The following ZNF124 variants were observed in gnomAD, a reference collection of about 807,000 sequenced individuals.
ZNF124 encodes the protein zinc finger protein HZF-16.
In ZNF124, 25 loss-of-function variants were observed where a neutral mutation model predicts 26.6. The observed-to-expected ratio is 0.94, with a 90% CI of 0.68 to 1.31. ZNF124 has a LOEUF of 1.31. ZNF124 is among the 40% of genes most tolerant of loss of function. The pLI is 0.00. For missense variants in ZNF124, 444 were observed against 422.2 expected, an observed-to-expected ratio of 1.05 and a Z score of -0.45; for synonymous variants, 129 against 133.3, an observed-to-expected ratio of 0.97 and a Z score of 0.22.
chr1:247,161,525 C>T (rs1673480339), intron 1 of ZNF124, among the ~76,000 whole-genome samples: 1 of 151,556 alleles, frequency 6.6e-6, no homozygotes, highest in African/African-American at 2.4e-5. Flanking sequence ...ACAATAGAGA[C>T]TGACAAATTC....
At position 247,155,359 on chromosome 1, in the gene ZNF124, T is replaced by A. The variant is rs188164119; in HGVS notation, c.*1207A>T. Among the ~76,000 whole-genome samples, 1,212 of 151,824 alleles carry A rather than the reference T, an allele frequency of 8.0e-3. 6 individuals carry two copies. Among genetic ancestry groups the A allele is most frequent in the Non-Finnish European group, 0.013 (853 of 67,952 alleles). ...TCTACTGTGTAACCCACAAAATTTTTAAAAAATTTTAAAAATATTTTATAC... is the reference window on the plus strand; with the variant it reads ...TCTACTGTGTAACCCACAAAATTTTAAAAAAATTTTAAAAATATTTTATAC... On this transcript the variant is annotated 3_prime_UTR_variant, in exon 4 of 4. Coordinates refer to ENST00000543802, the MANE Select transcript of ZNF124 (RefSeq NM_001297568.2).
chr1:247,137,202 A>G (rs1367106348), intron 3 of ZNF124, among the ~76,000 whole-genome samples: 1 of 151,962 alleles, frequency 6.6e-6, no homozygotes, highest in Non-Finnish European at 1.5e-5. Flanking sequence ...AGCAATGAAG[A>G]AAGGATCTCT....
chr1:247,154,248 G>A (rs187892882), downstream of ZNF124, among the ~76,000 whole-genome samples: 96 of 152,270 alleles, frequency 6.3e-4, no homozygotes, highest in Admixed American at 1.6e-3. Context: ...GGTTTCCCCC[G>A]TGCTGTTCTC....
rs545130755 is a variant in ZNF124 at position 247,133,941 on chromosome 1, C to T, written c.219-10070G>A. Among the ~76,000 whole-genome samples, 15 of 152,208 alleles carry T rather than the reference C, an allele frequency of 9.9e-5. No homozygotes were observed. In the East Asian group the frequency reaches 1.9e-3, roughly 20 times the overall value. On this transcript the variant is annotated intron_variant, in intron 3 of 3. Transcript: ENST00000472531. ...GTGCTGGGATTATAGGCATGAGCCA[C>T]GGCGCCCAGCCTCAACATTCTTAAA...
intron 1 of ZNF124, among the ~76,000 whole-genome samples, chr1:247,162,474 A>G (rs1344478372): frequency 6.6e-6 from 1 of 152,152 alleles, no homozygotes; most frequent in Non-Finnish European, 1.5e-5. Context: ...GCCATACCAT[A>G]TAGCCTAGGT....
chr1:247,156,417 T>G lies in ZNF124; in HGVS notation c.*149A>C. 7.7e-7 allele frequency: 1 copy of G among 1,305,948 alleles called. No individual in the cohort carries two copies. Among genetic ancestry groups the G allele is most frequent in the Non-Finnish European group, 9.7e-7 (1 of 1,027,938 alleles). The allele number at this position is 1,305,948 out of a possible 1,614,324, so 80.9% of individuals were successfully genotyped here. ...ATTGAATGCTTTACCTTATTGCTTA[T>G]AGTCATAGGGTTTATCTCCAGTTTG... is the stretch of plus-strand genomic sequence containing the variant. On this transcript the variant is annotated 3_prime_UTR_variant, in exon 4 of 4. Transcript: ENST00000543802.
At chr1:247,163,673 C>G (rs79805001) in intron 1 of ZNF124, among the ~76,000 whole-genome samples, 1 of 152,170 alleles carries the variant, frequency 6.6e-6, no homozygotes, top group South Asian at 2.1e-4. Context: ...AAGCCAGGAC[C>G]AGATGGTTTC....
intron 3 of ZNF124, among the ~76,000 whole-genome samples, chr1:247,133,809 A>G (rs1672423629): frequency 6.6e-6 from 1 of 151,884 alleles, no homozygotes; most frequent in Admixed American, 6.6e-5. Context: ...ATGCACCACC[A>G]TGCCCGGCAA....
At chr1:247,150,056 A>ACCACCTCCTAAAGGCCC (rs1192683273), downstream of ZNF124, 6 of 152,162 alleles carry the variant, frequency 3.9e-5, no homozygotes, top group Non-Finnish European at 5.9e-5. Context: ...TTATGACCTC[A>ACCACCTCCTAAAGGCCC]CCACCTCCTA....
chr1:247,139,430 C>G (rs948357668), intron 3 of ZNF124, among the ~76,000 whole-genome samples: 3 of 152,234 alleles, frequency 2.0e-5, no homozygotes, highest in African/African-American at 7.2e-5. Flanking sequence ...AACATACCAT[C>G]AGGTCTTGCC....
rs1365845724 is a variant in ZNF124 at position 247,136,964 on chromosome 1, T to C, written c.219-13093A>G. 3.3e-5 allele frequency among the ~76,000 whole-genome samples: 5 copies of C among 151,008 alleles called. No homozygotes were observed. In the South Asian group the frequency reaches 6.3e-4, roughly 19 times the overall value. ...CCATCTCAAAAAAAAAAAAAAATTA[T>C]ATGGAGTCAAAGAAGACCCAATATA... On this transcript the variant is annotated intron_variant, in intron 3 of 3. Transcript: ENST00000472531.
chr1:247,147,679 G>C (rs1672821558), intron 3 of ZNF124, among the ~76,000 whole-genome samples: 1 of 152,096 alleles, frequency 6.6e-6, no homozygotes, highest in Admixed American at 6.5e-5. Context: ...AGAGTGTAAA[G>C]GTTCTCATGA....
chr1:247,152,429 G>A (rs1672973297), downstream of ZNF124, among the ~76,000 whole-genome samples: 1 of 151,700 alleles, frequency 6.6e-6, no homozygotes, highest in East Asian at 1.9e-4. Flanking sequence ...TGTGAACGCA[G>A]CAACGCAATA....
Position 247,159,817 on chromosome 1 carries a change from A to G in ZNF124, c.31-4T>C. On this transcript the variant is annotated splice_polypyrimidine_tract_variant and splice_region_variant and intron_variant, in intron 1 of 3. Transcript: ENST00000543802. ...CATCCTCAAAGGCAACCGAGTTCTA[A>G]AATATTCCACATTTTTGTAGAGGAT... The G allele has an allele frequency of 6.2e-7, 1 of 1,608,540 alleles. No individual in the cohort carries two copies. Among genetic ancestry groups the G allele is most frequent in the South Asian group, 1.1e-5 (1 of 90,042 alleles).
At chr1:247,159,982 T>TA in intron 1 of ZNF124, 169 bp from the exon 2 acceptor site, 1 of 286,114 alleles carries the variant, frequency 3.5e-6, no homozygotes, top group Non-Finnish European at 5.1e-6. Context: ...AGCAGTTCTT[T>TA]TTTTTTTTTT....
At chr1:247,151,134 A>G (rs572083367), downstream of ZNF124, among the ~76,000 whole-genome samples, 2 of 152,320 alleles carry the variant, frequency 1.3e-5, no homozygotes, top group African/African-American at 4.8e-5. Context: ...ATGTAAATAA[A>G]GCCTGAGACC....
chr1:247,165,127 C>T (rs1468932515), intron 1 of ZNF124, among the ~76,000 whole-genome samples: 1 of 152,144 alleles, frequency 6.6e-6, no homozygotes, highest in Non-Finnish European at 1.5e-5. Context: ...CCACCCCGCC[C>T]TGCTAATTTT....
At chr1:247,135,870 T>G (rs1354002539) in intron 3 of ZNF124, among the ~76,000 whole-genome samples, 1 of 152,102 alleles carries the variant, frequency 6.6e-6, no homozygotes, top group Non-Finnish European at 1.5e-5. Context: ...CATGGCTGGT[T>G]TAACATGCAA....
intron 3 of ZNF124, among the ~76,000 whole-genome samples, chr1:247,124,816 G>C (rs1360377094): frequency 6.6e-6 from 1 of 151,978 alleles, no homozygotes; most frequent in Non-Finnish European, 1.5e-5. Flanking sequence ...TTTTGTTTTA[G>C]AGACAGGGTC....
Sources: gnomAD v4.1 joint callset for allele counts (sites outside exome capture counted in the v4.1 genomes callset) on GRCh38, gnomAD v4.1.1 for gene constraint, MANE v1.5 for transcripts, NCBI Gene and HGNC (gene_info 2026-07-23, HGNC 2026-07-21) for gene names.